STAG1: variants seen among roughly 807,000 people sequenced by gnomAD.
STAG1 encodes cohesin subunit SA-1.
STAG1 carries 26 observed loss-of-function variants against 170.9 expected under a neutral mutation model. The observed-to-expected ratio is 0.15, with a 90% CI of 0.11 to 0.21. The LOEUF (loss-of-function observed/expected upper bound fraction) is 0.21. STAG1 is among the 10% of genes least tolerant of loss of function. The pLI is 1.00. For missense variants in STAG1, 964 were observed against 1,509.5 expected (o/e 0.64, Z 5.99); for synonymous variants, 514 against 497.7 (o/e 1.03, Z -0.44).
intron 4 of STAG1, among the ~76,000 whole-genome samples, chr3:136,579,911 G>C (rs1186602874): frequency 6.6e-6 from 1 of 151,222 alleles, no homozygotes; most frequent in Non-Finnish European, 1.5e-5. Context: ...GTTGGAAGTG[G>C]AGAGGACAGA....
intron 3 of STAG1, among the ~76,000 whole-genome samples, chr3:136,612,069 G>A (rs1372234372): frequency 2.0e-5 from 3 of 151,698 alleles, no homozygotes; most frequent in African/African-American, 7.3e-5. Context: ...GGATGGTCTC[G>A]ATCTCCTGAC....
At chr3:136,455,421 A>G (rs1418655417) in intron 13 of STAG1, among the ~76,000 whole-genome samples, 1 of 152,154 alleles carries the variant, frequency 6.6e-6, no homozygotes, top group Non-Finnish European at 1.5e-5. Context: ...CCCTAGACCC[A>G]TGATTCTGGT....
chr3:136,557,285 T>A (rs907622985), intron 5 of STAG1, among the ~76,000 whole-genome samples: 14 of 152,054 alleles, frequency 9.2e-5, no homozygotes, highest in African/African-American at 3.1e-4. Flanking sequence ...AGAGACCAAT[T>A]AGCAGAATAG....
chr3:136,500,399 T>C (rs1242571879), intron 8 of STAG1, 103 bp from the exon 9 acceptor site: 1 of 731,942 alleles, frequency 1.4e-6, no homozygotes, highest in Non-Finnish European at 2.2e-6. Flanking sequence ...CTGGGTAGTT[T>C]TCAATCCTTT....
chr3:136,750,612 G>A (rs1304088951), intron 1 of STAG1, among the ~76,000 whole-genome samples: 3 of 152,178 alleles, frequency 2.0e-5, no homozygotes, highest in Non-Finnish European at 4.4e-5. Flanking sequence ...AAAGCAGTTC[G>A]TTTGTGAAAA....
intron 6 of STAG1, among the ~76,000 whole-genome samples, chr3:136,534,071 T>A (rs1463607412): frequency 1.3e-5 from 2 of 152,106 alleles, no homozygotes; most frequent in Non-Finnish European, 2.9e-5. Flanking sequence ...ACATACCAAT[T>A]GAACAGAATA....
At chr3:136,460,101 A>G (rs2089232139) in intron 13 of STAG1, among the ~76,000 whole-genome samples, 1 of 152,180 alleles carries the variant, frequency 6.6e-6, no homozygotes, top group African/African-American at 2.4e-5. Flanking sequence ...TAAAAAATAA[A>G]CAAAATGGAC....
chr3:136,588,555 G>A (rs1265281955), intron 4 of STAG1, among the ~76,000 whole-genome samples: 1 of 152,068 alleles, frequency 6.6e-6, no homozygotes, highest in Non-Finnish European at 1.5e-5. Flanking sequence ...AGCTAGGTTG[G>A]TCTTGAACTC....
At chr3:136,751,779 T>A (rs1175746645) in intron 1 of STAG1, among the ~76,000 whole-genome samples, 3 of 148,196 alleles carry the variant, frequency 2.0e-5, no homozygotes, top group South Asian at 4.3e-4. Context: ...CCGGCCCCGC[T>A]GGGCGCGGGC....
At chr3:136,374,040 A>G (rs1937485925) in intron 23 of STAG1, among the ~76,000 whole-genome samples, 1 of 152,156 alleles carries the variant, frequency 6.6e-6, no homozygotes, top group African/African-American at 2.4e-5. Flanking sequence ...TTGGGTGCAT[A>G]TATATTTAGG....
chr3:136,540,338 A>G (rs1935831460), intron 6 of STAG1, among the ~76,000 whole-genome samples: 1 of 151,972 alleles, frequency 6.6e-6, no homozygotes, highest in African/African-American at 2.4e-5. Flanking sequence ...AAAAAAAACT[A>G]GAATGGTGAT....
chr3:136,576,144 C>T (rs1937448134), intron 4 of STAG1, among the ~76,000 whole-genome samples: 1 of 152,174 alleles, frequency 6.6e-6, no homozygotes, highest in East Asian at 1.9e-4. Flanking sequence ...TATATCCATA[C>T]AGTAGAATGA....
At chr3:136,571,022 A>C (rs1937250825) in intron 4 of STAG1, among the ~76,000 whole-genome samples, 1 of 152,206 alleles carries the variant, frequency 6.6e-6, no homozygotes, top group Admixed American at 6.5e-5. Context: ...TGAAAACTAG[A>C]AGTTAATAGA....
chr3:136,437,349 T>C (rs945779043), intron 15 of STAG1, among the ~76,000 whole-genome samples: 1 of 152,044 alleles, frequency 6.6e-6, no homozygotes, highest in Non-Finnish European at 1.5e-5. Flanking sequence ...TTGAAATTCC[T>C]TTTGGGATAT....
intron 21 of STAG1, among the ~76,000 whole-genome samples, chr3:136,403,264 G>GAAAA (rs1285780395): frequency 2.2e-5 from 2 of 89,762 alleles, no homozygotes; most frequent in Non-Finnish European, 4.6e-5. Context: ...GAAAAGAAAA[G>GAAAA]AAAAAAAAAA....
intron 1 of STAG1, among the ~76,000 whole-genome samples, chr3:136,649,833 T>C (rs944392664): frequency 5.3e-5 from 8 of 151,552 alleles, no homozygotes; most frequent in African/African-American, 1.9e-4. Context: ...AGTGGCACAA[T>C]CTCAGTTCAC....
At chr3:136,716,963 G>A (rs1489100033) in intron 1 of STAG1, among the ~76,000 whole-genome samples, 1 of 152,210 alleles carries the variant, frequency 6.6e-6, no homozygotes, top group Non-Finnish European at 1.5e-5. Context: ...ACGAATTGTG[G>A]TTTGGAATGA....
chr3:136,342,323 A>AT (rs1290774978), intron 30 of STAG1, among the ~76,000 whole-genome samples: 33 of 142,544 alleles, frequency 2.3e-4, no homozygotes, highest in Middle Eastern at 4.5e-3. Context: ...CCAGCCAGGA[A>AT]TTTTTTTTTT....
intron 14 of STAG1, among the ~76,000 whole-genome samples, chr3:136,450,133 A>G (rs572601092): frequency 1.3e-5 from 2 of 152,312 alleles, no homozygotes; most frequent in Admixed American, 1.3e-4. Flanking sequence ...CGGGGTAGTT[A>G]GTGTTTTACT....
Sources: gnomAD v4.1 joint callset for allele counts (sites outside exome capture counted in the v4.1 genomes callset) on GRCh38, gnomAD v4.1.1 for gene constraint, MANE v1.5 for transcripts, NCBI Gene and HGNC (gene_info 2026-07-23, HGNC 2026-07-21) for gene names.